MGAT5: variants seen among roughly 807,000 people sequenced by gnomAD.
MGAT5 encodes alpha-1,6-mannosylglycoprotein 6-beta-N-acetylglucosaminyltransferase, also known as alpha-1,6-mannosylglycoprotein 6-beta-N-acetylglucosaminyltransferase A.
Under a neutral mutation model 94.3 loss-of-function variants are expected in MGAT5, and 30 were observed. The observed-to-expected ratio is 0.32, with a 90% CI of 0.24 to 0.43. MGAT5 has a LOEUF of 0.43. MGAT5 is among the 20% of genes least tolerant of loss of function. MGAT5 has a pLI of 1.00. For synonymous variants in MGAT5, 310 were observed against 322.9 expected (o/e 0.96, Z 0.43); for missense variants, 691 against 905.5 (o/e 0.76, Z 3.04).
chr2:134,267,463 G>A (rs1416446620), intron 1 of MGAT5, among the ~76,000 whole-genome samples: 1 of 152,146 alleles, frequency 6.6e-6, no homozygotes, highest in East Asian at 1.9e-4. Context: ...GTTATATTGG[G>A]GTGGCCGTGG....
chr2:134,248,405 C>T (rs367748296), intron 1 of MGAT5, among the ~76,000 whole-genome samples: 9 of 152,282 alleles, frequency 5.9e-5, no homozygotes, highest in African/African-American at 1.9e-4. Flanking sequence ...CTATGAGTTA[C>T]GAGTACTCTA....
At chr2:134,133,280 C>G (rs906764772) in intron 1 of MGAT5, among the ~76,000 whole-genome samples, 6 of 152,226 alleles carry the variant, frequency 3.9e-5, no homozygotes, top group African/African-American at 1.2e-4. Flanking sequence ...TTTTAAAACT[C>G]AGATTTAATT....
At chr2:134,282,286 G>A (rs955325891) in intron 2 of MGAT5, among the ~76,000 whole-genome samples, 3 of 152,338 alleles carry the variant, frequency 2.0e-5, no homozygotes, top group East Asian at 1.9e-4. Flanking sequence ...GTGCCATGCC[G>A]GGCTGGGTGT....
At chr2:134,236,524 TG>T (rs1681646203) in intron 1 of MGAT5, among the ~76,000 whole-genome samples, 1 of 152,194 alleles carries the variant, frequency 6.6e-6, no homozygotes. Flanking sequence ...CAAGATCTAA[TG>T]GTTTTATAGG....
In MGAT5 at chr2:134,422,721, A is replaced by G; in HGVS notation, c.1678-82A>G. 3.0e-6 allele frequency: 3 copies of G among 985,798 alleles called. No homozygotes were observed. The South Asian group carries it at 4.0e-5, about 13-fold the overall frequency. 61.1% of individuals were successfully genotyped at this position (985,798 alleles called of 1,614,324 possible). A position where few individuals can be genotyped will look rare whatever the true frequency, so the allele number is the denominator to read the frequency against. Reference sequence around the variant, plus strand: ...GTTACCTACACGATTATAACTCAGTACCATAAAAAGCATAGCACTCCATCT... The same window carrying G: ...GTTACCTACACGATTATAACTCAGTGCCATAAAAAGCATAGCACTCCATCT... On this transcript the variant is annotated intron_variant, in intron 12 of 15. Coordinates refer to ENST00000281923, the MANE Select transcript of MGAT5 (RefSeq NM_002410.5).
chr2:134,444,419 A>T (rs1685662819), intron 15 of MGAT5, among the ~76,000 whole-genome samples: 1 of 152,074 alleles, frequency 6.6e-6, no homozygotes, highest in African/African-American at 2.4e-5. Context: ...GGCTAGAATG[A>T]ATGCTAATTT....
chr2:134,408,761 A>G (rs1246541259), intron 11 of MGAT5, among the ~76,000 whole-genome samples: 3 of 152,238 alleles, frequency 2.0e-5, no homozygotes, highest in Non-Finnish European at 4.4e-5. Context: ...CCTTTGGGCT[A>G]CATGAAAGCA....
chr2:134,133,825 G>A (rs2104924280), intron 1 of MGAT5, among the ~76,000 whole-genome samples: 1 of 152,306 alleles, frequency 6.6e-6, no homozygotes, highest in Non-Finnish European at 1.5e-5. Flanking sequence ...ATGGGACAGG[G>A]AGGTGAACCA....
At chr2:134,328,300 A>C (rs1406781481) in intron 4 of MGAT5, among the ~76,000 whole-genome samples, 2 of 152,038 alleles carry the variant, frequency 1.3e-5, no homozygotes, top group East Asian at 1.9e-4. Context: ...GCAGGTAGCC[A>C]GTTCTGTACT....
intron 10 of MGAT5, among the ~76,000 whole-genome samples, chr2:134,390,297 C>T (rs182235218): frequency 6.6e-6 from 1 of 152,246 alleles, no homozygotes; most frequent in Admixed American, 6.5e-5. Flanking sequence ...AAACAGCTAC[C>T]CTCCAATCAA....
At chr2:134,195,450 T>C (rs1379043587) in intron 1 of MGAT5, among the ~76,000 whole-genome samples, 1 of 152,246 alleles carries the variant, frequency 6.6e-6, no homozygotes, top group Non-Finnish European at 1.5e-5. Flanking sequence ...TGGAGTATAC[T>C]TTCCTAGAAT....
intron 1 of MGAT5, among the ~76,000 whole-genome samples, chr2:134,153,746 C>A (rs532987510): frequency 6.6e-6 from 1 of 152,218 alleles, no homozygotes; most frequent in South Asian, 2.1e-4. Flanking sequence ...GTCTTACAGG[C>A]CACTCGAGGA....
intron 1 of MGAT5, among the ~76,000 whole-genome samples, chr2:134,152,189 C>A (rs1687239576): frequency 6.8e-6 from 1 of 148,128 alleles, no homozygotes; most frequent in Non-Finnish European, 1.5e-5. Context: ...CCCTATGGGA[C>A]CTGCCCACCG....
intron 1 of MGAT5, among the ~76,000 whole-genome samples, chr2:134,135,690 C>CAAA (rs59026836): frequency 0.17 from 6,947 of 41,660 alleles, 611 homozygotes; most frequent in East Asian, 0.24. Context: ...GACTCCATCT[C>CAAA]AAAAAAAAAA....
intron 11 of MGAT5, among the ~76,000 whole-genome samples, chr2:134,405,420 G>A (rs545913777): frequency 3.3e-5 from 5 of 152,242 alleles, no homozygotes; most frequent in East Asian, 3.9e-4. Context: ...ATGGGGCAGC[G>A]TATTGCTGAG....
chr2:134,441,644 C>G, intron 14 of MGAT5, 114 bp from the exon 15 acceptor site: 7 of 1,287,666 alleles, frequency 5.4e-6, no homozygotes, highest in Non-Finnish European at 7.6e-6. Flanking sequence ...CCCAACTCTT[C>G]CCCGTCCCTG....
intron 2 of MGAT5, among the ~76,000 whole-genome samples, chr2:134,273,147 A>T (rs920334956): frequency 6.6e-6 from 1 of 151,992 alleles, no homozygotes; most frequent in Non-Finnish European, 1.5e-5. Context: ...GGGGTCCTTT[A>T]TATCTTGTCA....
intron 1 of MGAT5, among the ~76,000 whole-genome samples, chr2:134,174,277 G>A (rs1688355182): frequency 6.6e-6 from 1 of 152,246 alleles, no homozygotes; most frequent in Admixed American, 6.5e-5. Flanking sequence ...CATGTTCCTG[G>A]TACAAGTAAA....
In MGAT5 at chr2:134,222,129, G is replaced by T. The variant is rs1680805941; in HGVS notation, c.-142-32133G>T. On this transcript the variant is annotated intron_variant, in intron 1 of 16. Coordinates refer to the MGAT5 transcript ENST00000409645. ...TCTTTAAGAGGTGAGATGGAGTCAG[G>T]CCTAGGGTTTAGTCTAAAACAATCC... Among the ~76,000 whole-genome samples, 3 of 143,984 alleles carry T rather than the reference G, an allele frequency of 2.1e-5. No homozygotes were observed. In the South Asian group the frequency reaches 6.8e-4, roughly 33 times the overall value. The allele number at this position is 143,984 out of a possible 152,430, so 94.5% of individuals were successfully genotyped here.
Sources: gnomAD v4.1 joint callset for allele counts (sites outside exome capture counted in the v4.1 genomes callset) on GRCh38, gnomAD v4.1.1 for gene constraint, MANE v1.5 for transcripts, NCBI Gene and HGNC (gene_info 2026-07-23, HGNC 2026-07-21) for gene names.